Variants in ATP8A1 observed in about 807,000 individuals in gnomAD.
The protein encoded by ATP8A1 is phospholipid-transporting ATPase IA.
Under a neutral mutation model 177.7 loss-of-function variants are expected in ATP8A1, and 90 were observed. The ratio of observed to expected loss-of-function variants is 0.51; its 90% CI spans 0.43 to 0.60. The LOEUF (loss-of-function observed/expected upper bound fraction) is 0.60, where lower values mean the gene tolerates loss of function less well. Ranked by LOEUF, ATP8A1 falls within the 20% of genes least tolerant of loss-of-function variation. The pLI is 0.00. For missense variants in ATP8A1, 1,072 were observed against 1,392.8 expected, an observed-to-expected ratio of 0.77 and a Z score of 3.67; for synonymous variants, 493 against 485.9, an observed-to-expected ratio of 1.01 and a Z score of -0.19.
intron 15 of ATP8A1, among the ~76,000 whole-genome samples, chr4:42,563,467 A>G (rs947095629): frequency 2.0e-5 from 3 of 152,166 alleles, no homozygotes; most frequent in African/African-American, 7.2e-5. Flanking sequence ...GAAAAGAAAA[A>G]CCTATTTTCT....
At position 42,411,326 on chromosome 4, in the gene ATP8A1, T is replaced by C. The variant is rs563902073; in HGVS notation, c.*1590A>G. ...AAAAAGGGTGAAAAGAATGTGAAAA[T>C]ATTAAACTCGAGAAGCGATCTGAAA... On this transcript the variant is annotated 3_prime_UTR_variant, in exon 37 of 37. Coordinates refer to ENST00000381668, the MANE Select transcript of ATP8A1 (RefSeq NM_006095.2). 5 of 152,222 alleles carry C rather than the reference T, an allele frequency of 3.3e-5. No individual in the cohort carries two copies. Among genetic ancestry groups the C allele is most frequent in the African/African-American group, 1.2e-4 (5 of 41,526 alleles). 9.4% of individuals were successfully genotyped at this position (152,222 alleles called of 1,614,324 possible).
intron 20 of ATP8A1, among the ~76,000 whole-genome samples, chr4:42,540,318 C>G (rs1309936355): frequency 6.6e-6 from 1 of 152,044 alleles, no homozygotes; most frequent in Non-Finnish European, 1.5e-5. Flanking sequence ...GGACCTCTTA[C>G]ATACTGTTGG....
At chr4:42,425,312 T>C (rs1714467093) in intron 33 of ATP8A1, among the ~76,000 whole-genome samples, 1 of 152,168 alleles carries the variant, frequency 6.6e-6, no homozygotes, top group Non-Finnish European at 1.5e-5. Context: ...GTGGTGGAGA[T>C]TCAAGGCTGC....
intron 35 of ATP8A1, 42 bp from the exon 36 acceptor site, chr4:42,414,760 G>A (rs199929349): frequency 2.3e-5 from 34 of 1,488,098 alleles, no homozygotes; most frequent in Admixed American, 3.3e-5. Flanking sequence ...TTATCAACTC[G>A]GCAGAGACCC....
chr4:42,414,902 T>C, intron 35 of ATP8A1, 184 bp from the exon 36 acceptor site: 2 of 571,460 alleles, frequency 3.5e-6, no homozygotes, highest in Non-Finnish European at 6.2e-6. Context: ...AGACAGACTT[T>C]TGAGGCCATT....
At chr4:42,534,679 CA>C (rs1242668171) in intron 20 of ATP8A1, among the ~76,000 whole-genome samples, 1 of 152,066 alleles carries the variant, frequency 6.6e-6, no homozygotes, top group African/African-American at 2.4e-5. Flanking sequence ...AAATACATCA[CA>C]AAAAGATCAT....
At position 42,657,101 on chromosome 4, in the gene ATP8A1, C is replaced by T. The variant is rs992235016; in HGVS notation, c.-228G>A. On this transcript the variant is annotated 5_prime_UTR_variant, in exon 1 of 37. Coordinates refer to ENST00000381668, the MANE Select transcript of ATP8A1 (RefSeq NM_006095.2). ...GGCGGCGCCCGCAGAGCTGGGCGAGCTCTTGCTGCAGCCGCGGAGGGGCGG... is the reference window on the plus strand; with the variant it reads ...GGCGGCGCCCGCAGAGCTGGGCGAGTTCTTGCTGCAGCCGCGGAGGGGCGG... 1 of 401,070 alleles carries T rather than the reference C, an allele frequency of 2.5e-6. No homozygotes were observed. 24.8% of individuals were successfully genotyped at this position (401,070 alleles called of 1,614,324 possible).
intron 25 of ATP8A1, among the ~76,000 whole-genome samples, chr4:42,483,209 C>A (rs1046879870): frequency 2.0e-5 from 3 of 152,080 alleles, no homozygotes; most frequent in Admixed American, 2.0e-4. Flanking sequence ...TGCCAAGAGG[C>A]ACCAGGCCAA....
intron 2 of ATP8A1, 118 bp downstream of exon 2, chr4:42,626,877 A>G (rs938994223): frequency 1.6e-5 from 12 of 736,646 alleles, no homozygotes; most frequent in Non-Finnish European, 2.9e-5. Context: ...CACACTGCCA[A>G]CAGGGAGCTC....
chr4:42,633,935 G>A (rs980337024), intron 1 of ATP8A1, among the ~76,000 whole-genome samples: 3 of 152,178 alleles, frequency 2.0e-5, no homozygotes, highest in Non-Finnish European at 4.4e-5. Flanking sequence ...AAGCCCTGGA[G>A]GGGAGAATGA....
intron 1 of ATP8A1, among the ~76,000 whole-genome samples, chr4:42,635,942 T>C (rs1004245001): frequency 6.6e-6 from 1 of 151,470 alleles, no homozygotes; most frequent in Non-Finnish European, 1.5e-5. Context: ...ATACCACAGA[T>C]TCAGTCCTCT....
intron 22 of ATP8A1, among the ~76,000 whole-genome samples, chr4:42,520,158 G>T (rs1013643227): frequency 6.6e-6 from 1 of 152,160 alleles, no homozygotes. Context: ...AGAGAGTAAG[G>T]ATATTAGGTA....
chr4:42,507,805 A>AAAAAAAAAAAAAAAAAAAAAAT (rs1724599456), intron 22 of ATP8A1, among the ~76,000 whole-genome samples: 1 of 146,394 alleles, frequency 6.8e-6, no homozygotes, highest in Non-Finnish European at 1.5e-5. Context: ...AAAAAAAAAA[A>AAAAAAAAAAAAAAAAAAAAAAT]AAAACATACA....
At chr4:42,599,878 CTAA>C (rs1735074386) in intron 6 of ATP8A1, among the ~76,000 whole-genome samples, 1 of 152,148 alleles carries the variant, frequency 6.6e-6, no homozygotes, top group Non-Finnish European at 1.5e-5. Context: ...TAAGGGAGAA[CTAA>C]TAATAATTGC....
At chr4:42,615,981 A>G in intron 5 of ATP8A1, 52 bp downstream of exon 5, 1 of 1,508,942 alleles carries the variant, frequency 6.6e-7, no homozygotes, top group Non-Finnish European at 9.2e-7. Flanking sequence ...GTGTTTGTAT[A>G]TACTACAAGT....
intron 22 of ATP8A1, among the ~76,000 whole-genome samples, chr4:42,519,597 T>C (rs977566275): frequency 6.6e-6 from 1 of 152,188 alleles, no homozygotes; most frequent in African/African-American, 2.4e-5. Context: ...ACAGTCTCAT[T>C]TGCTTGTGCA....
chr4:42,626,903 C>G, intron 2 of ATP8A1, 92 bp downstream of exon 2: 1 of 877,778 alleles, frequency 1.1e-6, no homozygotes, highest in Non-Finnish European at 1.9e-6. Context: ...TATTAACTGA[C>G]TGCACTGAAA....
intron 15 of ATP8A1, 184 bp from the exon 16 acceptor site, chr4:42,556,224 C>T (rs1560456631): frequency 9.5e-6 from 4 of 420,596 alleles, no homozygotes; most frequent in African/African-American, 2.0e-5. Context: ...TATATTCAAG[C>T]ATTCTAAAAT....
chr4:42,506,896 G>A, intron 23 of ATP8A1, 120 bp downstream of exon 23: 1 of 1,215,122 alleles, frequency 8.2e-7, no homozygotes. Context: ...AAAAAGATTG[G>A]AATATTCCAA....
Sources: allele counts gnomAD v4.1 joint callset (sites outside exome capture counted in the v4.1 genomes callset), GRCh38; gene constraint gnomAD v4.1.1; transcripts MANE v1.5; gene names NCBI Gene and HGNC (gene_info 2026-07-23, HGNC 2026-07-21).